The following WDR72 variants were observed in gnomAD, a reference collection of about 807,000 sequenced individuals.
The protein encoded by WDR72 is WD repeat-containing protein 72.
A neutral mutation model predicts 124.2 loss-of-function variants in WDR72; 120 were observed. That is an observed-to-expected ratio of 0.97 (90% CI 0.83 to 1.12). The LOEUF is 1.12. WDR72 is among the 50% of genes most tolerant of loss of function. The pLI is 0.00. For missense variants in WDR72, 1,387 were observed against 1,278.8 expected (o/e 1.08, Z -1.29); for synonymous variants, 452 against 441.7 (o/e 1.02, Z -0.29).
intron 18 of WDR72, among the ~76,000 whole-genome samples, chr15:53,577,284 T>C (rs991199311): frequency 6.6e-6 from 1 of 152,166 alleles, no homozygotes; most frequent in African/African-American, 2.4e-5. Context: ...TTTAAGATAT[T>C]TGATATTTTA....
intron 13 of WDR72, among the ~76,000 whole-genome samples, chr15:53,671,694 C>T (rs2015994244): frequency 6.6e-6 from 1 of 152,172 alleles, no homozygotes; most frequent in African/African-American, 2.4e-5. Context: ...GTGCCATTCA[C>T]AAGCCTGAGG....
At chr15:53,630,090 C>T (rs1242113169) in intron 14 of WDR72, among the ~76,000 whole-genome samples, 1 of 134,688 alleles carries the variant, frequency 7.4e-6, no homozygotes. Flanking sequence ...ATGAATCTGC[C>T]AGCAAATTAG....
chr15:53,552,362 A>G (rs17630869), intron 18 of WDR72, among the ~76,000 whole-genome samples: 10,942 of 152,192 alleles, frequency 0.072, 551 homozygotes, highest in Non-Finnish European at 0.11. Context: ...CAGTGTCACA[A>G]AGCACATGGT....
intron 17 of WDR72, among the ~76,000 whole-genome samples, chr15:53,602,689 GA>G (rs2140347964): frequency 6.6e-6 from 1 of 152,058 alleles, no homozygotes; most frequent in Non-Finnish European, 1.5e-5. Flanking sequence ...AATCCTCGGA[GA>G]ATATTATAAG....
chr15:53,538,277 C>T (rs949473092), intron 18 of WDR72, among the ~76,000 whole-genome samples: 7 of 152,084 alleles, frequency 4.6e-5, no homozygotes, highest in African/African-American at 1.7e-4. Context: ...TTTAAATGAG[C>T]AACTATAATC....
intron 18 of WDR72, among the ~76,000 whole-genome samples, chr15:53,579,762 G>C (rs1228792751): frequency 1.3e-5 from 2 of 152,048 alleles, no homozygotes; most frequent in African/African-American, 2.4e-5. Context: ...TGTAATCTGA[G>C]TACCACTCAT....
intron 18 of WDR72, among the ~76,000 whole-genome samples, chr15:53,573,278 C>G (rs1187367772): frequency 6.6e-6 from 1 of 152,146 alleles, no homozygotes; most frequent in African/African-American, 2.4e-5. Flanking sequence ...GGTGTGTTAA[C>G]AGTCATCATA....
chr15:53,740,306 A>C (rs1166153317), intron 1 of WDR72, among the ~76,000 whole-genome samples: 1 of 96,838 alleles, frequency 1.0e-5, no homozygotes, highest in African/African-American at 4.3e-5. Flanking sequence ...TGATTCAACT[A>C]ATTTTTTTTT....
intron 18 of WDR72, among the ~76,000 whole-genome samples, chr15:53,531,691 T>C (rs1892477626): frequency 6.6e-6 from 1 of 152,028 alleles, no homozygotes; most frequent in South Asian, 2.1e-4. Context: ...AAAGGGAAAC[T>C]AGTAAATATA....
chr15:53,711,526 T>A, intron 7 of WDR72, 45 bp from the exon 8 acceptor site: 1 of 1,595,296 alleles, frequency 6.3e-7, no homozygotes, highest in Non-Finnish European at 8.6e-7. Context: ...TTAAATCTAG[T>A]CTGCCAATAA....
chr15:53,700,828 GATC>G (rs2017150394), intron 12 of WDR72, among the ~76,000 whole-genome samples: 4 of 152,076 alleles, frequency 2.6e-5, no homozygotes, highest in Admixed American at 1.3e-4. Context: ...TTGCAGAACG[GATC>G]ATATGTCATT....
chr15:53,576,807 T>C (rs2140312475), intron 18 of WDR72, among the ~76,000 whole-genome samples: 1 of 152,290 alleles, frequency 6.6e-6, no homozygotes, highest in East Asian at 1.9e-4. Flanking sequence ...CCTACTGTTG[T>C]TGCATGAAAA....
chr15:53,705,306 C>A (rs58075778), intron 10 of WDR72, 73 bp from the exon 11 acceptor site: 170 of 1,407,882 alleles, frequency 1.2e-4, no homozygotes, highest in Non-Finnish European at 1.6e-4. Flanking sequence ...TATCAAGGCA[C>A]CCTCCCTTCA....
chr15:53,710,774 C>A, intron 9 of WDR72, 83 bp downstream of exon 9: 1 of 1,175,920 alleles, frequency 8.5e-7, no homozygotes, highest in Non-Finnish European at 1.3e-6. Flanking sequence ...TTTTTCAAGC[C>A]TGATTCTGTG....
At chr15:53,628,901 T>C (rs1454864255) in intron 14 of WDR72, among the ~76,000 whole-genome samples, 2 of 151,868 alleles carry the variant, frequency 1.3e-5, no homozygotes, top group African/African-American at 4.8e-5. Context: ...AAACACAAAG[T>C]GCTAAGTGAA....
At position 53,628,455 on chromosome 15, in the gene WDR72, T is replaced by C. The variant is rs901597884; in HGVS notation, c.1963-12212A>G. 4.6e-5 allele frequency among the ~76,000 whole-genome samples: 7 copies of C among 152,250 alleles called. No individual in the cohort carries two copies. The East Asian group carries it at 1.4e-3, about 29-fold the overall frequency. On this transcript the variant is annotated intron_variant, in intron 14 of 19. Coordinates refer to ENST00000360509, the MANE Select transcript of WDR72 (RefSeq NM_182758.4). ...TGAATACTATATTACTGAGAAATTATTTAATGATTAGCCGGCATCATAAGT... is the reference window on the plus strand; with the variant it reads ...TGAATACTATATTACTGAGAAATTACTTAATGATTAGCCGGCATCATAAGT...
intron 17 of WDR72, among the ~76,000 whole-genome samples, chr15:53,598,548 G>A (rs186835477): frequency 1.2e-4 from 18 of 152,192 alleles, no homozygotes; most frequent in East Asian, 3.9e-4. Flanking sequence ...GACATCCAAC[G>A]AGCTTATTAT....
intron 14 of WDR72, among the ~76,000 whole-genome samples, chr15:53,655,468 A>G (rs2140434505): frequency 6.6e-6 from 1 of 151,604 alleles, no homozygotes; most frequent in Non-Finnish European, 1.5e-5. Context: ...CAAGATAATC[A>G]CACATGAAGA....
chr15:53,599,467 T>G (rs2012943618), intron 17 of WDR72, among the ~76,000 whole-genome samples: 1 of 152,150 alleles, frequency 6.6e-6, no homozygotes, highest in Non-Finnish European at 1.5e-5. Context: ...AAACTTCATG[T>G]TCTCACTTAA....
Sources: allele counts gnomAD v4.1 joint callset (sites outside exome capture counted in the v4.1 genomes callset), GRCh38; gene constraint gnomAD v4.1.1; transcripts MANE v1.5; gene names NCBI Gene and HGNC (gene_info 2026-07-23, HGNC 2026-07-21).